Variants in PCDH15 observed in about 807,000 individuals in gnomAD.
The protein encoded by PCDH15 is protocadherin related 15, also known as protocadherin-15.
Under a neutral mutation model 178.5 loss-of-function variants are expected in PCDH15, and 129 were observed. The ratio of observed to expected loss-of-function variants is 0.72; its 90% confidence interval spans 0.63 to 0.84. PCDH15 has a LOEUF of 0.84. Ranked by LOEUF, PCDH15 falls within the 40% of genes least tolerant of loss-of-function variation. PCDH15 has a pLI of 0.00. For missense variants in PCDH15, 2,230 were observed against 2,099.9 expected (o/e 1.06, Z -1.21); for synonymous variants, 800 against 732.0 (o/e 1.09, Z -1.50).
chr10:54,559,451 A>G lies in PCDH15; in HGVS notation c.92-31574T>C, dbSNP rs77071350. On this transcript the variant is annotated intron_variant, in intron 2 of 37. Transcript: ENST00000644397. The stretch of plus-strand genomic sequence containing the variant: ...GTATTCCACAATAATTCAATGTTGC[A>G]TCTTCAGCAAGAACAAGCCATAGGT... Among the ~76,000 whole-genome samples the G allele has an allele frequency of 6.0e-3, 908 of 152,208 alleles. 8 individuals are homozygous for G. The highest frequency in any genetic ancestry group is 0.02 in the African/African-American group (839 of 41,580).
chr10:54,063,084 C>T (rs1364888975), intron 18 of PCDH15, among the ~76,000 whole-genome samples: 2 of 152,114 alleles, frequency 1.3e-5, no homozygotes, highest in African/African-American at 2.4e-5. Context: ...GCCTCATATG[C>T]CTGGTTTATT....
chr10:55,544,139 C>CATACATATAT (rs1200067998), intron 2 of PCDH15, among the ~76,000 whole-genome samples: 2 of 54,318 alleles, frequency 3.7e-5, no homozygotes, highest in South Asian at 7.2e-4. Flanking sequence ...CTTATACATA[C>CATACATATAT]ATATATATAT....
At chr10:55,003,342 G>A (rs1189157303) in intron 2 of PCDH15, among the ~76,000 whole-genome samples, 5 of 151,996 alleles carry the variant, frequency 3.3e-5, no homozygotes, top group Admixed American at 2.6e-4. Context: ...AAATTAAAAG[G>A]CTTATGTTTT....
intron 3 of PCDH15, among the ~76,000 whole-genome samples, chr10:54,480,098 T>C (rs1215901683): frequency 6.6e-6 from 1 of 152,170 alleles, no homozygotes; most frequent in Non-Finnish European, 1.5e-5. Flanking sequence ...TACAGTGGTT[T>C]TGCTAGCTAG....
intron 2 of PCDH15, among the ~76,000 whole-genome samples, chr10:55,556,348 G>GGGATATCT (rs1234150263): frequency 6.6e-6 from 1 of 151,992 alleles, no homozygotes; most frequent in Non-Finnish European, 1.5e-5. Flanking sequence ...TGGAACTCCT[G>GGGATATCT]GGATATCTAT....
chr10:55,627,132 AC>A (rs985174256), intron 2 of PCDH15, among the ~76,000 whole-genome samples: 7 of 151,246 alleles, frequency 4.6e-5, no homozygotes, highest in East Asian at 3.9e-4. Flanking sequence ...GAAGGATGTA[AC>A]CCCCCACCCC....
chr10:53,925,426 G>A (rs1219177498), intron 25 of PCDH15, among the ~76,000 whole-genome samples: 2 of 152,166 alleles, frequency 1.3e-5, no homozygotes, highest in African/African-American at 4.8e-5. Context: ...CCGAACATCA[G>A]AAGGAAAGAA....
intron 3 of PCDH15, among the ~76,000 whole-genome samples, chr10:54,813,160 C>T (rs1952893286): frequency 6.6e-6 from 1 of 152,054 alleles, no homozygotes; most frequent in Non-Finnish European, 1.5e-5. Flanking sequence ...GGTGGTTCCC[C>T]TTTTCTATCT....
intron 8 of PCDH15, among the ~76,000 whole-genome samples, chr10:54,265,431 G>T (rs2057608580): frequency 6.6e-6 from 1 of 151,378 alleles, no homozygotes; most frequent in African/African-American, 2.4e-5. Flanking sequence ...AGTTAACCTT[G>T]GACATAAATG....
chr10:54,164,029 A>G (rs933295046), intron 13 of PCDH15, among the ~76,000 whole-genome samples: 2 of 152,168 alleles, frequency 1.3e-5, no homozygotes, highest in Admixed American at 1.3e-4. Context: ...AAGTTTGGAC[A>G]GACTAAGAAT....
intron 3 of PCDH15, among the ~76,000 whole-genome samples, chr10:54,831,129 G>A (rs117583399): frequency 0.013 from 1,989 of 152,086 alleles, 17 homozygotes; most frequent in Non-Finnish European, 0.018. Context: ...ATCATTCAGC[G>A]TAGAACATCT....
chr10:55,276,457 T>C (rs1460520989), intron 1 of PCDH15, among the ~76,000 whole-genome samples: 3 of 151,246 alleles, frequency 2.0e-5, no homozygotes, highest in African/African-American at 7.3e-5. Context: ...ATTCAAAATA[T>C]TTTAAAATTT....
intron 2 of PCDH15, among the ~76,000 whole-genome samples, chr10:54,951,007 C>T (rs1447721160): frequency 6.6e-6 from 1 of 151,810 alleles, no homozygotes. Flanking sequence ...ATAGGTTCCC[C>T]TATTCTTAAT....
chr10:54,547,100 A>G (rs10825352), intron 2 of PCDH15, among the ~76,000 whole-genome samples: 116,811 of 151,998 alleles, frequency 0.77, 45,652 homozygotes, highest in East Asian at 0.99. Context: ...AACTTCAAGC[A>G]CTCTCCCATT....
chr10:55,576,552 G>T (rs1343633020), intron 2 of PCDH15, among the ~76,000 whole-genome samples: 1 of 152,152 alleles, frequency 6.6e-6, no homozygotes, highest in African/African-American at 2.4e-5. Flanking sequence ...ACTCCCAAAT[G>T]GGGTAATGGT....
At chr10:54,189,507 T>G in intron 11 of PCDH15, 3 of 513,084 alleles carry the variant, frequency 5.8e-6, no homozygotes, top group East Asian at 3.3e-5. Context: ...GTATACAATT[T>G]TTTTATTAGC....
chr10:55,593,214 T>C (rs1842876711), intron 2 of PCDH15, among the ~76,000 whole-genome samples: 1 of 152,040 alleles, frequency 6.6e-6, no homozygotes, highest in Non-Finnish European at 1.5e-5. Context: ...TTAAAGAAGA[T>C]AGAATAAAAT....
intron 3 of PCDH15, among the ~76,000 whole-genome samples, chr10:54,437,539 A>G (rs2075505082): frequency 6.6e-6 from 1 of 152,162 alleles, no homozygotes; most frequent in African/African-American, 2.4e-5. Context: ...ACATATGTAT[A>G]ATGATAACAT....
intron 1 of PCDH15, among the ~76,000 whole-genome samples, chr10:55,170,962 T>C (rs1172122401): frequency 6.6e-6 from 1 of 152,244 alleles, no homozygotes; most frequent in East Asian, 1.9e-4. Flanking sequence ...GATTCCAGGA[T>C]ACCTCACTTC....
Sources: gnomAD v4.1 joint callset for allele counts (sites outside exome capture counted in the v4.1 genomes callset) on GRCh38, gnomAD v4.1.1 for gene constraint, MANE v1.5 for transcripts, NCBI Gene and HGNC (gene_info 2026-07-23, HGNC 2026-07-21) for gene names.